LRRIQ4: variants seen among roughly 807,000 people sequenced by gnomAD.
The protein encoded by LRRIQ4 is leucine-rich repeat and IQ domain-containing protein 4.
Under a neutral mutation model 40.1 loss-of-function variants are expected in LRRIQ4, and 21 were observed. The ratio of observed to expected loss-of-function variants is 0.52; its 90% CI spans 0.37 to 0.75. LRRIQ4 has a LOEUF of 0.75. Among genes scored for constraint, LRRIQ4 ranks in the 30% least tolerant of loss-of-function variants. The pLI, the probability that LRRIQ4 is intolerant of heterozygous loss-of-function variation, is 0.00. For missense variants in LRRIQ4, 655 were observed against 660.0 expected, an observed-to-expected ratio of 0.99 and a Z score of 0.08; for synonymous variants, 277 against 277.1, an observed-to-expected ratio of 1.00 and a Z score of 0.00.
intron 5 of LRRIQ4, among the ~76,000 whole-genome samples, chr3:169,836,728 G>C (rs1360148100): frequency 6.6e-6 from 1 of 152,174 alleles, no homozygotes; most frequent in Admixed American, 6.6e-5. Flanking sequence ...AGCAGCGGAG[G>C]GGTGAGCCAT....
intron 5 of LRRIQ4, among the ~76,000 whole-genome samples, chr3:169,836,761 G>T (rs188992432): frequency 4.3e-4 from 65 of 152,286 alleles, no homozygotes; most frequent in African/African-American, 1.4e-3. Context: ...AAGAGTTCCA[G>T]GCAAAGAAAG....
At chr3:169,824,650 C>G (rs1779999965) in intron 2 of LRRIQ4, among the ~76,000 whole-genome samples, 1 of 151,904 alleles carries the variant, frequency 6.6e-6, no homozygotes, top group East Asian at 1.9e-4. Context: ...GTAGTTGGGA[C>G]TACAGGTGTG....
At chr3:169,824,691 T>C (rs1047812390) in intron 2 of LRRIQ4, among the ~76,000 whole-genome samples, 3 of 152,020 alleles carry the variant, frequency 2.0e-5, no homozygotes, top group African/African-American at 7.2e-5. Context: ...TTTTGTATTT[T>C]TAATAGAGAC....
intron 2 of LRRIQ4, among the ~76,000 whole-genome samples, chr3:169,826,237 C>A (rs997301990): frequency 2.6e-5 from 4 of 151,798 alleles, no homozygotes; most frequent in Non-Finnish European, 5.9e-5. Flanking sequence ...ACTAAAAATA[C>A]AAAAATTAGC....
chr3:169,822,592 C>T lies in LRRIQ4; in HGVS notation c.671C>T (p.Pro224Leu), dbSNP rs1338461074. ...QKFYMASNNL[P>L]VLPASLCQCS... ...TTCTATATGGCTTCTAACAACCTTCCCGTTCTGCCCGCGTCCTTGTGCCAG... is the reference window on the plus strand; with the variant it reads ...TTCTATATGGCTTCTAACAACCTTCTCGTTCTGCCCGCGTCCTTGTGCCAG... Residue 224 changes from proline (P) to leucine (L), a missense_variant, in exon 2 of 6, where the codon CCC (proline) becomes CTC (leucine). Pro to Leu is a moderately conservative substitution (Grantham distance 98, BLOSUM62 -3). Coordinates refer to ENST00000340806, the MANE Select transcript of LRRIQ4 (RefSeq NM_001080460.3). 3.7e-6 allele frequency: 6 copies of T among 1,614,012 alleles called. No homozygotes were observed. Among genetic ancestry groups the T allele is most frequent in the East Asian group, 2.2e-5 (1 of 44,888 alleles).
chr3:169,830,748 C>T (rs1780153332), intron 4 of LRRIQ4, 118 bp downstream of exon 4: 1 of 1,249,152 alleles, frequency 8.0e-7, no homozygotes, highest in Admixed American at 2.2e-5. Context: ...TGAGTCTATC[C>T]CATTACTTCC....
intron 5 of LRRIQ4, among the ~76,000 whole-genome samples, chr3:169,834,751 G>C (rs1479764683): frequency 4.6e-5 from 7 of 151,930 alleles, no homozygotes; most frequent in Admixed American, 4.6e-4. Context: ...CCTCAAAATT[G>C]ATCCTAAGGT....
intron 1 of LRRIQ4, among the ~76,000 whole-genome samples, chr3:169,821,571 C>T (rs1274708235): frequency 1.3e-5 from 2 of 150,390 alleles, no homozygotes; most frequent in East Asian, 2.0e-4. Context: ...GCCCAGGAGG[C>T]GGAGGTTGTA....
In LRRIQ4 at chr3:169,820,249, CTGTGTGTGTGTG is replaced by C. The variant is rs55800037; in HGVS notation, c.-31-1610_-31-1599del. On this transcript the variant is annotated intron_variant, in intron 1 of 5. Transcript: ENST00000340806. Reference sequence around the variant, plus strand: ...TGTTCTCTGCCTTTCCCCATAGACTCTGTGTGTGTGTGTGTGTGTGTGTGTGTGTGTGTGTGT... The same window carrying C: ...TGTTCTCTGCCTTTCCCCATAGACTCTGTGTGTGTGTGTGTGTGTGTGTGT... Among the ~76,000 whole-genome samples, 877 of 143,762 alleles carry C rather than the reference CTGTGTGTGTGTG, an allele frequency of 6.1e-3. 27 individuals are homozygous for C. Among genetic ancestry groups the C allele is most frequent in the Admixed American group, 0.049 (713 of 14,416 alleles). 94.3% of individuals were successfully genotyped at this position (143,762 alleles called of 152,430 possible).
intron 1 of LRRIQ4, among the ~76,000 whole-genome samples, chr3:169,819,681 C>G (rs922362075): frequency 6.6e-6 from 1 of 152,182 alleles, no homozygotes; most frequent in African/African-American, 2.4e-5. Context: ...ATTTCTTTAT[C>G]TGGGAAACAG....
intron 5 of LRRIQ4, among the ~76,000 whole-genome samples, chr3:169,834,471 A>G (rs1485851954): frequency 6.6e-6 from 1 of 152,210 alleles, no homozygotes; most frequent in Non-Finnish European, 1.5e-5. Context: ...AAAACTGTGC[A>G]CCCTCTTGCA....
chr3:169,831,594 G>T (rs1780179549), intron 4 of LRRIQ4, among the ~76,000 whole-genome samples: 1 of 149,012 alleles, frequency 6.7e-6, no homozygotes, highest in Non-Finnish European at 1.5e-5. Flanking sequence ...GAGCCACCGT[G>T]CCTGGCCCAA....
rs751981063 is a variant in LRRIQ4, at chr3:169,822,610, T to A, written c.689T>A (p.Leu230Ter). The part of the protein sequence containing the change: ...SNNLPVLPAS[L>*]CQCSQLSVLD... ...AACCTTCCCGTTCTGCCCGCGTCCTTGTGCCAGTGTAGCCAACTGTCGGTG... is the reference window on the plus strand; with the variant it reads ...AACCTTCCCGTTCTGCCCGCGTCCTAGTGCCAGTGTAGCCAACTGTCGGTG... The change falls in exon 2 of 6, where the codon TTG becomes TAG. Residue 230 changes from leucine (L) to a stop codon, truncating the protein, a stop_gained. Coordinates refer to ENST00000340806, the MANE Select transcript of LRRIQ4 (RefSeq NM_001080460.3). LOFTEE classifies it high-confidence loss of function. The A allele has an allele frequency of 1.9e-6, 3 of 1,613,986 alleles. No individual in the cohort carries two copies. In the East Asian group the frequency reaches 6.7e-5, roughly 36 times the overall value.
intron 5 of LRRIQ4, among the ~76,000 whole-genome samples, chr3:169,836,747 T>C (rs1311694988): frequency 1.3e-5 from 2 of 152,158 alleles, no homozygotes; most frequent in Non-Finnish European, 1.5e-5. Context: ...ATCTGAATAC[T>C]GAGAAGAGTT....
intron 3 of LRRIQ4, among the ~76,000 whole-genome samples, chr3:169,829,799 C>T (rs896691510): frequency 3.3e-5 from 5 of 152,240 alleles, no homozygotes; most frequent in Admixed American, 2.6e-4. Flanking sequence ...CCGTGTCTGA[C>T]CTGCTGCACT....
intron 2 of LRRIQ4, among the ~76,000 whole-genome samples, chr3:169,823,958 TG>T (rs1779979656): frequency 6.6e-6 from 1 of 152,178 alleles, no homozygotes; most frequent in East Asian, 1.9e-4. Context: ...ATTGCCAATA[TG>T]GATAGATCTC....
Position 169,830,511 on chromosome 3 carries a change from T to C in LRRIQ4, c.1214T>C (p.Ile405Thr). 6.2e-7 allele frequency: 1 copy of C among 1,602,690 alleles called. No homozygotes were observed. Among genetic ancestry groups the C allele is most frequent in the South Asian group, 1.1e-5 (1 of 89,536 alleles). The part of the protein sequence containing the change: ...RKLQSLKELY[I>T]ENNHLEYLPV... ...TTTCAGAGTCTCAAAGAGCTATATA[T>C]AGAGAACAATCATCTGGAGTACCTG... The change falls in exon 4 of 6, where the codon ATA becomes ACA. Residue 405 changes from isoleucine to threonine, a missense_variant. Physicochemically the swap from Ile to Thr is moderately conservative, Grantham distance 89. Transcript: ENST00000340806.
At position 169,833,142 on chromosome 3, in the gene LRRIQ4, T is replaced by C; in HGVS notation, c.1489T>C (p.Tyr497His). ...CAEGNEAIWK[Y>H]LKENRNRNIM... is the part of the protein sequence containing the mutation. ...TGAAGGCAATGAGGCCATATGGAAA[T>C]ACCTCAAGGAAAACAGAAACAGGAA... Residue 497 changes from tyrosine (Y) to histidine (H), a missense_variant, in exon 5 of 6, where the codon TAC becomes CAC. Tyr to His is a moderately conservative substitution (Grantham distance 83). Coordinates refer to ENST00000340806, the MANE Select transcript of LRRIQ4 (RefSeq NM_001080460.3). 1 of 1,613,634 alleles carries C rather than the reference T, an allele frequency of 6.2e-7. No homozygotes were observed. The highest frequency in any genetic ancestry group is 8.5e-7 in the Non-Finnish European group (1 of 1,179,808).
In LRRIQ4 at chr3:169,828,827, C is replaced by T. The variant is rs749857492; in HGVS notation, c.1089C>T (p.Ser363=). 6 of 1,613,852 alleles carry T rather than the reference C, an allele frequency of 3.7e-6. No individual in the cohort carries two copies. The highest frequency in any genetic ancestry group is 5.1e-6 in the Non-Finnish European group (6 of 1,179,816). Residue 363 remains serine (S), a synonymous_variant, in exon 3 of 6, where the codon TCC becomes TCT. Coordinates refer to ENST00000340806, the MANE Select transcript of LRRIQ4 (RefSeq NM_001080460.3). ...GACTAACAGGAAATGAGTTCCTTTC[C>T]TTTCCGGAGGAAGTCCTTTCTTTAG... is the stretch of plus-strand genomic sequence containing the variant. ...ILGLTGNEFL[S]FPEEVLSLAS...
Sources: allele counts gnomAD v4.1 joint callset (sites outside exome capture counted in the v4.1 genomes callset), GRCh38; gene constraint gnomAD v4.1.1; transcripts MANE v1.5; gene names NCBI Gene and HGNC (gene_info 2026-07-23, HGNC 2026-07-21).